Variants in FAM135B observed in about 807,000 individuals in gnomAD.
FAM135B encodes the protein family with sequence similarity 135 member B, also known as protein FAM135B.
A neutral mutation model predicts 127.7 loss-of-function variants in FAM135B; 43 were observed. The observed-to-expected ratio is 0.34, with a 90% CI of 0.26 to 0.43. FAM135B has a LOEUF of 0.43. Among genes scored for constraint, FAM135B ranks in the 20% least tolerant of loss-of-function variants. The pLI, the probability that FAM135B is intolerant of heterozygous loss-of-function variation, is 1.00. For missense variants in FAM135B, 1,558 were observed against 1,725.6 expected (o/e 0.90, Z 1.72); for synonymous variants, 670 against 665.1 (o/e 1.01, Z -0.11).
At chr8:138,312,717 C>T (rs1248214684) in intron 2 of FAM135B, among the ~76,000 whole-genome samples, 3 of 152,188 alleles carry the variant, frequency 2.0e-5, no homozygotes, top group Non-Finnish European at 4.4e-5. Flanking sequence ...CCGCCATCCC[C>T]AGACTGCATG....
Position 138,183,623 on chromosome 8 carries a change from T to C in FAM135B, c.874-4933A>G, listed in dbSNP as rs139583573. Among the ~76,000 whole-genome samples the C allele has an allele frequency of 1.7e-3, 261 of 152,340 alleles. 1 individual carries two copies. The highest frequency in any genetic ancestry group is 6.8e-3 in the Middle Eastern group (2 of 294). On this transcript the variant is annotated intron_variant, in intron 9 of 19. Coordinates refer to ENST00000395297, the MANE Select transcript of FAM135B (RefSeq NM_015912.4). ...TGGGATTCACTTAATACCCCCTTCA[T>C]TGAGAATTTATTTTTCCTTCCGATG...
At chr8:138,304,537 A>T (rs1025406074) in intron 3 of FAM135B, among the ~76,000 whole-genome samples, 4 of 152,206 alleles carry the variant, frequency 2.6e-5, no homozygotes, top group African/African-American at 9.6e-5. Flanking sequence ...TGAAGGCTGC[A>T]TGCATTCTTT....
rs369404911 is a variant in FAM135B, at chr8:138,256,750, C to T, written c.307G>A (p.Ala103Thr). ...AGTTGAAAATCTACTTCACTCAGTGCGTCTTCCATCTGCAAAAGAAACAAA... is the reference window on the plus strand; with the variant it reads ...AGTTGAAAATCTACTTCACTCAGTGTGTCTTCCATCTGCAAAAGAAACAAA... ...LLLGGERMED[A>T]LSEVDFQLKV... Residue 103 changes from alanine (A) to threonine (T), a missense_variant, in exon 5 of 20, where the codon GCA becomes ACA. Transcript: ENST00000395297. 68 of 1,613,358 alleles carry T rather than the reference C, an allele frequency of 4.2e-5. No homozygotes were observed. The highest frequency in any genetic ancestry group is 1.6e-4 in the Middle Eastern group (1 of 6,082).
chr8:138,338,153 AC>A (rs1303452873), intron 2 of FAM135B, among the ~76,000 whole-genome samples: 1 of 152,184 alleles, frequency 6.6e-6, no homozygotes, highest in Non-Finnish European at 1.5e-5. Context: ...AACCATAAAA[AC>A]CCTAGAAGAA....
rs1820093956 is a variant in FAM135B at position 138,234,029 on chromosome 8, C to T, written c.669+8913G>A. Among the ~76,000 whole-genome samples, 4 of 152,048 alleles carry T rather than the reference C, an allele frequency of 2.6e-5. No homozygotes were observed. The South Asian group carries it at 8.3e-4, about 32-fold the overall frequency. ...CATCACGTGACATCTCTCATCATGC[C>T]TAGAAATACTGGTAAGGAGCAAGGC... On this transcript the variant is annotated intron_variant, in intron 7 of 19. Transcript: ENST00000395297.
At chr8:138,391,757 C>T (rs114267488) in intron 1 of FAM135B, among the ~76,000 whole-genome samples, 2,831 of 152,316 alleles carry the variant, frequency 0.019, 83 homozygotes, top group African/African-American at 0.063. Context: ...ATTTAACCTT[C>T]CTAACAGCTC....
At chr8:138,165,459 T>A (rs987654775) in intron 12 of FAM135B, among the ~76,000 whole-genome samples, 1 of 152,252 alleles carries the variant, frequency 6.6e-6, no homozygotes, top group East Asian at 1.9e-4. Flanking sequence ...ATATGTGTTA[T>A]AACTTCACCT....
intron 1 of FAM135B, among the ~76,000 whole-genome samples, chr8:138,371,064 T>C (rs1831081791): frequency 6.6e-6 from 1 of 152,208 alleles, no homozygotes; most frequent in South Asian, 2.1e-4. Context: ...CAAACACTAA[T>C]TTGAGAACCA....
chr8:138,461,828 A>G (rs1837139258), intron 1 of FAM135B, among the ~76,000 whole-genome samples: 1 of 152,200 alleles, frequency 6.6e-6, no homozygotes, highest in African/African-American at 2.4e-5. Context: ...TTTTAAAACC[A>G]GCACATACTC....
At chr8:138,406,513 A>C (rs2131384383) in intron 1 of FAM135B, among the ~76,000 whole-genome samples, 1 of 151,962 alleles carries the variant, frequency 6.6e-6, no homozygotes, top group South Asian at 2.1e-4. Flanking sequence ...ATCCTCAATA[A>C]AATACTGGCA....
intron 6 of FAM135B, among the ~76,000 whole-genome samples, chr8:138,246,666 T>C (rs1027137210): frequency 2.6e-5 from 4 of 152,164 alleles, no homozygotes; most frequent in Non-Finnish European, 5.9e-5. Context: ...AAGGGAAATA[T>C]AGGGTCAGAA....
chr8:138,243,043 A>G lies in FAM135B; in HGVS notation c.568T>C (p.Trp190Arg), dbSNP rs1820960293. ...ISFTRPGRGS[W>R]LGKGGPDTGQ... ...GTGTCTGGGCCACCTTTACCAAGCC[A>G]GGAGCCTCTTCCTGGACGAGTAAAA... Residue 190 changes from tryptophan (W) to arginine (R), a missense_variant, in exon 7 of 20, where the codon TGG becomes CGG. Transcript: ENST00000395297. The surrounding 1 kb of genome is among the most constrained non-coding windows in gnomAD (Gnocchi z 7.5). 1 of 1,612,160 alleles carries G rather than the reference A, an allele frequency of 6.2e-7. No individual in the cohort carries two copies. Among genetic ancestry groups the G allele is most frequent in the Non-Finnish European group, 8.5e-7 (1 of 1,179,492 alleles).
chr8:138,138,834 G>T, intron 18 of FAM135B, 152 bp downstream of exon 18: 1 of 577,176 alleles, frequency 1.7e-6, no homozygotes, highest in Non-Finnish European at 3.2e-6. Context: ...GTAGCTGTTG[G>T]CCTCCCAATG....
rs140038784 is a variant in FAM135B, at chr8:138,176,359, T to G, written c.1103+988A>C. Among the ~76,000 whole-genome samples, 701 of 152,356 alleles carry G rather than the reference T, an allele frequency of 4.6e-3. 5 individuals carry two copies. The highest frequency in any genetic ancestry group is 0.044 in the Middle Eastern group (13 of 294). On this transcript the variant is annotated intron_variant, in intron 11 of 19. Coordinates refer to ENST00000395297, the MANE Select transcript of FAM135B (RefSeq NM_015912.4). ...TTTTTCTCAGTGACCCTCACGGTTA[T>G]GTTTGTATTTGTCAGATTAGCTCTT...
intron 7 of FAM135B, 121 bp from the exon 8 acceptor site, chr8:138,197,790 A>G: frequency 2.8e-6 from 3 of 1,059,146 alleles, no homozygotes; most frequent in Non-Finnish European, 4.1e-6. Flanking sequence ...TCAGGGAAGG[A>G]AGCAGACCCC....
At chr8:138,229,866 A>G (rs1819780526) in intron 7 of FAM135B, among the ~76,000 whole-genome samples, 1 of 147,002 alleles carries the variant, frequency 6.8e-6, no homozygotes. Context: ...TCTCGTGAGC[A>G]CTCACTCACT....
At chr8:138,214,969 A>G (rs1319729039) in intron 7 of FAM135B, among the ~76,000 whole-genome samples, 2 of 152,204 alleles carry the variant, frequency 1.3e-5, no homozygotes, top group Non-Finnish European at 2.9e-5. Context: ...GGAAGAGGCA[A>G]AAAAAGCAAA....
chr8:138,266,062 G>A (rs903142777), intron 3 of FAM135B, among the ~76,000 whole-genome samples: 1 of 152,098 alleles, frequency 6.6e-6, no homozygotes, highest in South Asian at 2.1e-4. Context: ...CCTTACAAGC[G>A]ATAAAATCTT....
chr8:138,255,107 G>A (rs937330473), intron 5 of FAM135B, among the ~76,000 whole-genome samples: 1 of 144,842 alleles, frequency 6.9e-6, no homozygotes, highest in Non-Finnish European at 1.5e-5. Context: ...AGGACGCACT[G>A]TAACCTTGAA....
Sources: gnomAD v4.1 joint callset for allele counts (sites outside exome capture counted in the v4.1 genomes callset) on GRCh38, gnomAD v4.1.1 for gene constraint, Gnocchi (gnomAD v3.1) non-coding constraint, MANE v1.5 for transcripts, NCBI Gene and HGNC (gene_info 2026-07-23, HGNC 2026-07-21) for gene names.